Variants in FLRT1 observed in about 807,000 individuals in gnomAD.
The protein encoded by FLRT1 is leucine-rich repeat transmembrane protein FLRT1.
FLRT1 carries 14 observed loss-of-function variants against 30.9 expected under a neutral mutation model. The observed-to-expected ratio is 0.45, with a 90% CI of 0.30 to 0.71. FLRT1 has a LOEUF of 0.71. FLRT1 is among the 30% of genes least tolerant of loss of function. The pLI, the probability that FLRT1 is intolerant of heterozygous loss-of-function variation, is 0.08. For missense variants in FLRT1, 737 were observed against 949.2 expected (o/e 0.78, Z 2.94); for synonymous variants, 368 against 430.4 (o/e 0.85, Z 1.80).
Position 64,118,546 on chromosome 11 carries a change from T to C in FLRT1, c.*254T>C, listed in dbSNP as rs868702912. On this transcript the variant is annotated 3_prime_UTR_variant, in exon 3 of 3. Transcript: ENST00000682287. ...CATAATTTATACCAAGTTATGCCAG[T>C]TGGGGAGGGAAGGACTAAAAATAAT... The C allele has an allele frequency of 1.4e-4, 59 of 435,546 alleles. No individual in the cohort carries two copies. The highest frequency in any genetic ancestry group is 9.2e-4 in the African/African-American group (46 of 50,080). 27.0% of individuals were successfully genotyped at this position (435,546 alleles called of 1,614,324 possible).
chr11:64,074,744 G>A (rs1251255211), intron 1 of FLRT1, among the ~76,000 whole-genome samples: 1 of 152,196 alleles, frequency 6.6e-6, no homozygotes, highest in African/African-American at 2.4e-5. Flanking sequence ...GAGGCCCAGG[G>A]GTGACCAGGC....
chr11:64,049,379 T>C (rs2134407924), intron 1 of FLRT1, among the ~76,000 whole-genome samples: 1 of 152,330 alleles, frequency 6.6e-6, no homozygotes, highest in African/African-American at 2.4e-5. Flanking sequence ...CGGCCAGTCC[T>C]GGGCAGGGAG....
intron 1 of FLRT1, among the ~76,000 whole-genome samples, chr11:64,097,221 G>A (rs2701542): frequency 0.26 from 39,601 of 152,150 alleles, 5,690 homozygotes; most frequent in Admixed American, 0.35. Context: ...AGAAAGTACA[G>A]GGAGGGACTG....
intron 1 of FLRT1, among the ~76,000 whole-genome samples, chr11:64,097,580 C>G (rs975701849): frequency 4.6e-5 from 7 of 152,196 alleles, no homozygotes; most frequent in Non-Finnish European, 7.4e-5. Context: ...GGCTCGCACA[C>G]TCTCGCAAAT....
At chr11:64,047,049 C>T (rs765567807) in intron 1 of FLRT1, among the ~76,000 whole-genome samples, 18 of 152,170 alleles carry the variant, frequency 1.2e-4, no homozygotes, top group East Asian at 1.2e-3. Context: ...GTGCCCCCCC[C>T]GGCTAGCATG....
chr11:64,057,342 A>G (rs1943806194), intron 1 of FLRT1, among the ~76,000 whole-genome samples: 1 of 152,188 alleles, frequency 6.6e-6, no homozygotes, highest in African/African-American at 2.4e-5. Flanking sequence ...CTGTATGTGC[A>G]CAGCTCTTGC....
rs1378619743 is a variant in FLRT1, at chr11:64,048,023, T to G, written c.-1038+11864T>G. 2.0e-5 allele frequency among the ~76,000 whole-genome samples: 3 copies of G among 152,036 alleles called. No individual in the cohort carries two copies. The East Asian group carries it at 5.8e-4, about 29-fold the overall frequency. On this transcript the variant is annotated intron_variant, in intron 1 of 2. Coordinates refer to ENST00000682287, the MANE Select transcript of FLRT1 (RefSeq NM_013280.5). The stretch of plus-strand genomic sequence containing the variant: ...TGTGTGCTGGGCCTGAGCCACCACT[T>G]CAGAGTGGGGATGCTGGCAGGCCCT...
At chr11:64,102,547 G>A (rs1029200903) in intron 1 of FLRT1, among the ~76,000 whole-genome samples, 3 of 152,342 alleles carry the variant, frequency 2.0e-5, no homozygotes, top group East Asian at 1.9e-4. Context: ...AGCAGGTGCC[G>A]GGGGAATTGG....
Position 64,088,751 on chromosome 11 carries a change from G to A in FLRT1, c.-1037-14443G>A, listed in dbSNP as rs571439117. ...TGTTTCCCCAGGTCACTAAGAGCAC[G>A]AGATGAACGACAGCAGACAGTAAGA... On this transcript the variant is annotated intron_variant, in intron 1 of 2. Transcript: ENST00000682287. Among the ~76,000 whole-genome samples the A allele has an allele frequency of 3.3e-5, 5 of 152,258 alleles. No homozygotes were observed. In the East Asian group the frequency reaches 9.6e-4, roughly 29 times the overall value.
intron 1 of FLRT1, among the ~76,000 whole-genome samples, chr11:64,050,070 C>T (rs1470996116): frequency 6.6e-6 from 1 of 152,180 alleles, no homozygotes; most frequent in Non-Finnish European, 1.5e-5. Flanking sequence ...GCCTACTCTT[C>T]CCTCGAGATC....
intron 1 of FLRT1, chr11:64,060,478 C>T (rs1345241488): frequency 6.6e-6 from 1 of 152,240 alleles, no homozygotes; most frequent in African/African-American, 2.4e-5. Context: ...CTGCCCGCGA[C>T]TCCAGGCCCT....
chr11:64,102,143 T>G (rs1944681325), intron 1 of FLRT1, among the ~76,000 whole-genome samples: 2 of 152,226 alleles, frequency 1.3e-5, no homozygotes, highest in South Asian at 4.1e-4. Context: ...TGGATCTGAT[T>G]TCAAACCAGA....
intron 1 of FLRT1, among the ~76,000 whole-genome samples, chr11:64,084,870 C>G (rs964631429): frequency 6.6e-6 from 1 of 152,238 alleles, no homozygotes; most frequent in African/African-American, 2.4e-5. Flanking sequence ...ACAGGACTCA[C>G]AGGGAGAGCT....
At position 64,116,267 on chromosome 11, in the gene FLRT1, C is replaced by G; in HGVS notation, c.-1C>G. The G allele has an allele frequency of 6.3e-7, 1 of 1,595,802 alleles. No individual in the cohort carries two copies. Among genetic ancestry groups the G allele is most frequent in the Non-Finnish European group, 8.5e-7 (1 of 1,174,380 alleles). On this transcript the variant is annotated 5_prime_UTR_variant, in exon 3 of 3. Transcript: ENST00000682287. ...GGGCCGGACGCCCCCAGCCATCCAC[C>G]ATGGTGGTGGCACACCCCACCGCCA...
At chr11:64,079,548 G>A (rs1169803190) in intron 1 of FLRT1, among the ~76,000 whole-genome samples, 1 of 152,136 alleles carries the variant, frequency 6.6e-6, no homozygotes, top group Non-Finnish European at 1.5e-5. Flanking sequence ...AGGTGAGAGA[G>A]ACCGCAGCCG....
At chr11:64,101,300 A>G (rs1458148014) in intron 1 of FLRT1, among the ~76,000 whole-genome samples, 1 of 152,162 alleles carries the variant, frequency 6.6e-6, no homozygotes, top group Non-Finnish European at 1.5e-5. Context: ...CACTGCCTCT[A>G]TCCTGAGAGC....
intron 2 of FLRT1, among the ~76,000 whole-genome samples, chr11:64,113,871 C>CGTGG (rs1944911277): frequency 1.3e-5 from 1 of 77,806 alleles, no homozygotes; most frequent in African/African-American, 4.3e-5. Flanking sequence ...TGGATTGATA[C>CGTGG]ATGGATGGAT....
rs201118336 is a variant in FLRT1, at chr11:64,072,035, G to A, written c.-1037-31159G>A. On this transcript the variant is annotated intron_variant, in intron 1 of 2. Coordinates refer to ENST00000682287, the MANE Select transcript of FLRT1 (RefSeq NM_013280.5). ...TAGCAAAACAAACGCACTATTGACC[G>A]CCGCGCGCACTAAATCCTCCCGGCA... 5.3e-5 allele frequency among the ~76,000 whole-genome samples: 8 copies of A among 152,346 alleles called. No homozygotes were observed. In the East Asian group the frequency reaches 9.6e-4, roughly 18 times the overall value.
intron 1 of FLRT1, among the ~76,000 whole-genome samples, chr11:64,076,764 C>A (rs1939762243): frequency 6.6e-6 from 1 of 152,200 alleles, no homozygotes; most frequent in African/African-American, 2.4e-5. Context: ...TTGTTGTTGG[C>A]AGAGCTAGCT....
Sources: allele counts gnomAD v4.1 joint callset (sites outside exome capture counted in the v4.1 genomes callset), GRCh38; gene constraint gnomAD v4.1.1; transcripts MANE v1.5; gene names NCBI Gene and HGNC (gene_info 2026-07-23, HGNC 2026-07-21).